Variants in SAMD7 observed in about 807,000 individuals in gnomAD.
SAMD7 encodes the protein sterile alpha motif domain-containing protein 7.
In SAMD7, 34 loss-of-function variants were observed where a neutral mutation model predicts 36.7. That is an observed-to-expected ratio of 0.93 (90% CI 0.71 to 1.23). The LOEUF (loss-of-function observed/expected upper bound fraction) is 1.23, where lower values mean the gene tolerates loss of function less well. Ranked by LOEUF, SAMD7 falls within the 50% of genes most tolerant of loss-of-function variation. The probability of loss-of-function intolerance (pLI) is 0.00; values close to 1 mark genes in which losing one functional copy is unlikely to be tolerated. For synonymous variants in SAMD7, 188 were observed against 189.7 expected, an observed-to-expected ratio of 0.99 and a Z score of 0.07; for missense variants, 570 against 546.6, an observed-to-expected ratio of 1.04 and a Z score of -0.43.
intron 2 of SAMD7, among the ~76,000 whole-genome samples, chr3:169,916,893 G>T (rs966082786): frequency 6.6e-6 from 1 of 152,164 alleles, no homozygotes; most frequent in African/African-American, 2.4e-5. Flanking sequence ...TTGCGGGGCA[G>T]GGTCCTCGCT....
At chr3:169,932,876 C>A in intron 7 of SAMD7, 1 of 626,350 alleles carries the variant, frequency 1.6e-6, no homozygotes, top group South Asian at 1.5e-5. Context: ...TGCTGACTGC[C>A]ATTACTATAA....
intron 7 of SAMD7, among the ~76,000 whole-genome samples, chr3:169,934,427 C>CA (rs975460910): frequency 1.1e-4 from 17 of 150,400 alleles, no homozygotes; most frequent in East Asian, 5.8e-4. Context: ...ACAATCCTCA[C>CA]AAAAAAAAAC....
intron 1 of SAMD7, 23 bp from the exon 2 acceptor site, chr3:169,915,344 C>CTGTACT: frequency 6.6e-6 from 1 of 152,266 alleles, no homozygotes; most frequent in East Asian, 1.9e-4. Flanking sequence ...AAATAAACTA[C>CTGTACT]TGTACTTAAT....
At chr3:169,924,308 G>T (rs1713167389) in intron 4 of SAMD7, among the ~76,000 whole-genome samples, 1 of 151,980 alleles carries the variant, frequency 6.6e-6, no homozygotes, top group Non-Finnish European at 1.5e-5. Flanking sequence ...ATTGTTTCTG[G>T]CCAGGTGCAG....
intron 3 of SAMD7, among the ~76,000 whole-genome samples, chr3:169,920,463 C>T (rs1004056554): frequency 5.3e-5 from 8 of 152,228 alleles, no homozygotes; most frequent in East Asian, 1.9e-4. Flanking sequence ...ATCATTTAAT[C>T]GAAATTACCT....
Position 169,927,198 on chromosome 3 carries a change from C to T in SAMD7, c.919+17C>T. 6.6e-7 allele frequency: 1 copy of T among 1,512,802 alleles called. No individual in the cohort carries two copies. Among genetic ancestry groups the T allele is most frequent in the Middle Eastern group, 1.9e-4 (1 of 5,294 alleles). The allele number at this position is 1,512,802 out of a possible 1,614,324, so 93.7% of individuals were successfully genotyped here. On this transcript the variant is annotated intron_variant, in intron 6 of 8. Coordinates refer to ENST00000335556, the MANE Select transcript of SAMD7 (RefSeq NM_001304366.2). ...CTCTGCCAGGTGGGTGTCCAGGGGC[C>T]AATGGCAGATCCTCATTAACTACAG... is the stretch of plus-strand genomic sequence containing the variant.
intron 4 of SAMD7, among the ~76,000 whole-genome samples, chr3:169,923,526 G>A (rs1256225819): frequency 2.6e-5 from 4 of 152,074 alleles, no homozygotes; most frequent in African/African-American, 7.2e-5. Flanking sequence ...GGCAGATCAC[G>A]AGGTCAGAAG....
At chr3:169,928,003 A>AC (rs1412341768) in intron 6 of SAMD7, among the ~76,000 whole-genome samples, 1 of 152,224 alleles carries the variant, frequency 6.6e-6, no homozygotes, top group African/African-American at 2.4e-5. Flanking sequence ...TTTAGATAAA[A>AC]AAAAATATAT....
intron 5 of SAMD7, 114 bp from the exon 6 acceptor site, chr3:169,926,439 A>C (rs1713258448): frequency 8.0e-7 from 1 of 1,251,488 alleles, no homozygotes; most frequent in African/African-American, 1.5e-5. Context: ...TGTTTCCACC[A>C]AACAAACTTC....
chr3:169,918,909 G>C (rs746540107), intron 2 of SAMD7, among the ~76,000 whole-genome samples: 1 of 152,228 alleles, frequency 6.6e-6, no homozygotes, highest in Non-Finnish European at 1.5e-5. Flanking sequence ...CACTTTGGGA[G>C]GCTGAGGCGG....
intron 8 of SAMD7, 119 bp from the exon 9 acceptor site, chr3:169,938,197 CTA>C: frequency 1.5e-6 from 1 of 653,644 alleles, no homozygotes; most frequent in Non-Finnish European, 2.7e-6. Flanking sequence ...ACCCCCACAA[CTA>C]TATGTTAATA....
At chr3:169,923,566 A>AC (rs1225405774) in intron 4 of SAMD7, among the ~76,000 whole-genome samples, 5 of 152,100 alleles carry the variant, frequency 3.3e-5, no homozygotes, top group East Asian at 1.9e-4. Context: ...ACATGGTGAA[A>AC]CGCCGTCTCT....
chr3:169,914,922 A>G (rs1223125478), intron 1 of SAMD7, among the ~76,000 whole-genome samples: 2 of 152,226 alleles, frequency 1.3e-5, no homozygotes, highest in Admixed American at 1.3e-4. Flanking sequence ...TTGCCTCAAT[A>G]GCACTAGTCA....
At chr3:169,932,483 C>T in intron 7 of SAMD7, 3 of 590,688 alleles carry the variant, frequency 5.1e-6, no homozygotes, top group South Asian at 2.8e-5. Context: ...TTGTGGGTGT[C>T]CCAGAGCCCT....
intron 6 of SAMD7, among the ~76,000 whole-genome samples, 194 bp downstream of exon 6, chr3:169,927,375 A>G (rs1267733258): frequency 7.4e-6 from 1 of 135,732 alleles, no homozygotes; most frequent in Admixed American, 8.5e-5. Flanking sequence ...GCTCACTGCA[A>G]CCTCCGCCTG....
chr3:169,920,176 G>GA (rs1377236308), intron 3 of SAMD7, among the ~76,000 whole-genome samples: 3 of 152,064 alleles, frequency 2.0e-5, no homozygotes, highest in Non-Finnish European at 4.4e-5. Flanking sequence ...CTCCATCTCA[G>GA]AAAAAATAAA....
At chr3:169,932,004 C>A in intron 7 of SAMD7, 1 of 705,490 alleles carries the variant, frequency 1.4e-6, no homozygotes, top group South Asian at 2.7e-5. Flanking sequence ...CAACATGAAG[C>A]TAAAGCAGCG....
intron 7 of SAMD7, chr3:169,933,066 T>G (rs1713577594): frequency 1.1e-6 from 1 of 903,256 alleles, no homozygotes; most frequent in East Asian, 2.6e-5. Flanking sequence ...GAAGTCTACC[T>G]TAAAATCTGC....
chr3:169,913,861 A>T (rs16854598), intron 1 of SAMD7, among the ~76,000 whole-genome samples: 3,198 of 152,346 alleles, frequency 0.021, 74 homozygotes, highest in Admixed American at 0.06. Context: ...CAATGATTTT[A>T]AGGCAACACA....
Sources: gnomAD v4.1 joint callset for allele counts (sites outside exome capture counted in the v4.1 genomes callset) on GRCh38, gnomAD v4.1.1 for gene constraint, MANE v1.5 for transcripts, NCBI Gene and HGNC (gene_info 2026-07-23, HGNC 2026-07-21) for gene names.